The following KLF8 variants were observed in gnomAD, a reference collection of about 807,000 sequenced individuals.
KLF8 encodes the protein Krueppel-like factor 8.
KLF8 carries 10 observed loss-of-function variants against 18.2 expected under a neutral mutation model. The ratio of observed to expected loss-of-function variants is 0.55; its 90% confidence interval spans 0.34 to 0.93. The LOEUF (loss-of-function observed/expected upper bound fraction) is 0.93, where lower values mean the gene tolerates loss of function less well. KLF8 is among the 40% of genes least tolerant of loss of function. KLF8 has a pLI of 0.02. For synonymous variants in KLF8, 109 were observed against 97.3 expected, an observed-to-expected ratio of 1.12 and a Z score of -0.71; for missense variants, 264 against 277.9, an observed-to-expected ratio of 0.95 and a Z score of 0.36.
the KLF8 span, among the ~76,000 whole-genome samples, chrX:56,113,583 T>TTTTTTTTTTTATAATAA: frequency 1.1e-5 from 1 of 91,159 alleles, no homozygotes; most frequent in African/African-American, 4.0e-5. Flanking sequence ...TTTTGTGATG[T>TTTTTTTTTTTATAATAA]CTAGACAAAA....
chrX:56,101,665 TC>T, the KLF8 span, among the ~76,000 whole-genome samples: 5 of 111,727 alleles, frequency 4.5e-5, no homozygotes, highest in Non-Finnish European at 9.5e-5. Flanking sequence ...CACTCTGGTA[TC>T]TTGCTGTTTT....
rs190844770 is a variant in KLF8, at chrX:56,237,948, A to G, written c.7+4607A>G. ...TTCTCTCTGGTGTGTCTTCTTAGAAAGACACTAATCCTATCAGATCAGAAC... is the reference window on the plus strand; with the variant it reads ...TTCTCTCTGGTGTGTCTTCTTAGAAGGACACTAATCCTATCAGATCAGAAC... On this transcript the variant is annotated intron_variant, in intron 1 of 5. Transcript: ENST00000468660. Among the ~76,000 whole-genome samples, 16 of 111,847 alleles carry G rather than the reference A, an allele frequency of 1.4e-4. No homozygotes were observed. In the South Asian group the frequency reaches 3.4e-3, roughly 24 times the overall value.
the KLF8 span, among the ~76,000 whole-genome samples, chrX:56,089,158 C>T: frequency 9.0e-6 from 1 of 111,689 alleles, no homozygotes; most frequent in Admixed American, 9.6e-5. Flanking sequence ...TAACACTTTA[C>T]TCTTACCTCT....
chrX:56,080,060 T>A, the KLF8 span, among the ~76,000 whole-genome samples: 1 of 111,288 alleles, frequency 9.0e-6, no homozygotes, highest in African/African-American at 3.3e-5. Flanking sequence ...GTGAGATGGG[T>A]TTCCTGAATA....
the KLF8 span, among the ~76,000 whole-genome samples, chrX:56,109,432 T>C: frequency 9.1e-6 from 1 of 109,924 alleles, no homozygotes; most frequent in Non-Finnish European, 1.9e-5. Flanking sequence ...TTCTGAAGAA[T>C]GTTCCATGCT....
the KLF8 span, among the ~76,000 whole-genome samples, chrX:56,176,707 T>C: frequency 4.5e-5 from 5 of 111,843 alleles, no homozygotes; most frequent in Non-Finnish European, 7.5e-5. Flanking sequence ...TTTTCCAACT[T>C]GGTTCCATTC....
the KLF8 span, among the ~76,000 whole-genome samples, chrX:56,135,106 C>A: frequency 1.8e-5 from 2 of 111,530 alleles, no homozygotes; most frequent in South Asian, 7.6e-4. Flanking sequence ...GTTGGTGGGA[C>A]TGGAAACTAG....
chrX:56,189,659 G>A, the KLF8 span, among the ~76,000 whole-genome samples: 3 of 110,462 alleles, frequency 2.7e-5, no homozygotes, highest in Admixed American at 1.9e-4. Context: ...AGAAAATGTG[G>A]CACATATACA....
chrX:56,069,574 C>T, the KLF8 span, among the ~76,000 whole-genome samples: 3 of 111,626 alleles, frequency 2.7e-5, 1 homozygote, highest in African/African-American at 9.8e-5. Context: ...GTGAGTCATG[C>T]CTGATCGAGC....
the KLF8 span, among the ~76,000 whole-genome samples, chrX:55,979,056 G>A: frequency 0.038 from 3,929 of 102,722 alleles, 84 homozygotes; most frequent in Non-Finnish European, 0.062. Context: ...TCAAGAACTT[G>A]TAATCAGTTC....
intron 5 of KLF8, among the ~76,000 whole-genome samples, chrX:56,278,887 A>C (rs990783321): frequency 9.0e-6 from 1 of 111,363 alleles, no homozygotes. Flanking sequence ...TATTCCCTCC[A>C]TGGGTGGGAG....
the KLF8 span, among the ~76,000 whole-genome samples, chrX:56,084,803 A>G: frequency 8.9e-6 from 1 of 112,230 alleles, no homozygotes; most frequent in Non-Finnish European, 1.9e-5. Flanking sequence ...TATAATAAGA[A>G]CACATGAAGG....
chrX:56,102,425 G>T, the KLF8 span, among the ~76,000 whole-genome samples: 4 of 111,221 alleles, frequency 3.6e-5, no homozygotes, highest in Admixed American at 3.8e-4. Context: ...GATTGCTTTG[G>T]CTATTGAGGC....
At chrX:56,185,985 G>T in the KLF8 span, among the ~76,000 whole-genome samples, 1 of 112,001 alleles carries the variant, frequency 8.9e-6, no homozygotes. Context: ...AAAAAAACCA[G>T]CTAACATCAT....
chrX:56,127,558 T>C, the KLF8 span, among the ~76,000 whole-genome samples: 1 of 110,889 alleles, frequency 9.0e-6, no homozygotes, highest in African/African-American at 3.3e-5. Flanking sequence ...CCCAGCTACT[T>C]GGGAGGCTGA....
chrX:56,053,476 T>A, the KLF8 span, among the ~76,000 whole-genome samples: 1 of 110,441 alleles, frequency 9.1e-6, no homozygotes, highest in Non-Finnish European at 1.9e-5. Flanking sequence ...GGGTGGGTTT[T>A]TTTGTTGTTT....
the KLF8 span, among the ~76,000 whole-genome samples, chrX:56,219,983 G>A: frequency 1.8e-5 from 2 of 112,307 alleles, no homozygotes. Flanking sequence ...GGTAAAATAG[G>A]AATCTCAACG....
the KLF8 span, among the ~76,000 whole-genome samples, chrX:56,013,842 C>T: frequency 1.8e-5 from 2 of 111,516 alleles, no homozygotes; most frequent in Non-Finnish European, 3.8e-5. Flanking sequence ...ATGAATTACC[C>T]AGTCTTGGGT....
At chrX:56,057,328 T>C in the KLF8 span, among the ~76,000 whole-genome samples, 23,021 of 110,156 alleles carry the variant, frequency 0.21, 4,933 homozygotes, top group African/African-American at 0.66. Context: ...ACTGCAATGG[T>C]GGTTTGTGGA....
Sources: gnomAD v4.1 joint callset for allele counts (sites outside exome capture counted in the v4.1 genomes callset) on GRCh38, gnomAD v4.1.1 for gene constraint, MANE v1.5 for transcripts, NCBI Gene and HGNC (gene_info 2026-07-23, HGNC 2026-07-21) for gene names.